The following ANKS1B variants were observed in gnomAD, a reference collection of about 807,000 sequenced individuals.
The protein encoded by ANKS1B is ankyrin repeat and sterile alpha motif domain-containing protein 1B.
Under a neutral mutation model 148.3 loss-of-function variants are expected in ANKS1B, and 36 were observed. The observed-to-expected ratio is 0.24, with a 90% confidence interval of 0.19 to 0.32. The LOEUF is 0.32. ANKS1B is among the 10% of genes least tolerant of loss of function. ANKS1B has a pLI of 1.00. For synonymous variants in ANKS1B, 542 were observed against 560.8 expected (o/e 0.97, Z 0.47); for missense variants, 1,157 against 1,542.6 (o/e 0.75, Z 4.19).
chr12:99,943,372 C>G (rs1388135747), intron 1 of ANKS1B, among the ~76,000 whole-genome samples: 2 of 152,154 alleles, frequency 1.3e-5, no homozygotes, highest in Non-Finnish European at 2.9e-5. Flanking sequence ...GTGCAGATAC[C>G]AGAGACTGTG....
intron 17 of ANKS1B, among the ~76,000 whole-genome samples, chr12:98,995,542 C>A (rs914663557): frequency 2.0e-5 from 3 of 152,206 alleles, no homozygotes; most frequent in Non-Finnish European, 4.4e-5. Context: ...AACCCAGGTT[C>A]TCAGGCTCTG....
chr12:99,703,299 A>T (rs1567677210), intron 8 of ANKS1B, among the ~76,000 whole-genome samples: 1 of 152,290 alleles, frequency 6.6e-6, no homozygotes, highest in East Asian at 1.9e-4. Context: ...ATACAAATGC[A>T]TTGACTCTGA....
chr12:99,894,129 G>A (rs1211747599), intron 1 of ANKS1B, among the ~76,000 whole-genome samples: 1 of 151,560 alleles, frequency 6.6e-6, no homozygotes, highest in African/African-American at 2.4e-5. Context: ...ATTTTTAAAG[G>A]TACAAATGGA....
intron 18 of ANKS1B, chr12:98,831,182 C>T (rs1364384721): frequency 1.3e-5 from 2 of 152,010 alleles, no homozygotes; most frequent in African/African-American, 2.4e-5. Context: ...CTCCTGACCT[C>T]ATGACCCGCC....
chr12:99,016,675 C>CA (rs570600661), intron 17 of ANKS1B, among the ~76,000 whole-genome samples: 99 of 151,098 alleles, frequency 6.6e-4, no homozygotes, highest in Admixed American at 2.3e-3. Flanking sequence ...AACAAACAAA[C>CA]AAAAAAAACA....
chr12:99,858,629 G>A (rs942969740), intron 1 of ANKS1B, among the ~76,000 whole-genome samples: 35 of 152,160 alleles, frequency 2.3e-4, no homozygotes, highest in African/African-American at 8.2e-4. Flanking sequence ...TAGCTCAAAT[G>A]CCCATCAGTC....
intron 8 of ANKS1B, among the ~76,000 whole-genome samples, chr12:99,747,202 A>G (rs754853223): frequency 7.2e-5 from 11 of 152,036 alleles, no homozygotes; most frequent in Non-Finnish European, 1.6e-4. Context: ...TCCCCCTGCT[A>G]GGCATCACCA....
chr12:99,209,808 C>T (rs1304255663), intron 14 of ANKS1B, among the ~76,000 whole-genome samples: 2 of 152,152 alleles, frequency 1.3e-5, no homozygotes, highest in East Asian at 1.9e-4. Flanking sequence ...TCACAAACCA[C>T]AAATAACATC....
At chr12:99,794,402 C>A (rs2065988968) in intron 4 of ANKS1B, among the ~76,000 whole-genome samples, 3 of 150,124 alleles carry the variant, frequency 2.0e-5, no homozygotes, top group South Asian at 2.1e-4. Context: ...TCACAATAGC[C>A]AAGATTTGGA....
At chr12:98,739,940 T>C (rs1439328868), downstream of ANKS1B, among the ~76,000 whole-genome samples, 1 of 152,128 alleles carries the variant, frequency 6.6e-6, no homozygotes, top group Non-Finnish European at 1.5e-5. Flanking sequence ...TCCTTCTCCT[T>C]ATGGCCATTG....
chr12:99,708,844 G>C (rs535888309), intron 8 of ANKS1B, among the ~76,000 whole-genome samples: 3 of 152,072 alleles, frequency 2.0e-5, no homozygotes, highest in Non-Finnish European at 4.4e-5. Context: ...TTCCAACCTG[G>C]ATATTTTTGG....
intron 1 of ANKS1B, among the ~76,000 whole-genome samples, chr12:99,890,901 G>GA (rs1195209223): frequency 6.6e-6 from 1 of 151,850 alleles, no homozygotes; most frequent in Non-Finnish European, 1.5e-5. Context: ...GGTGTTCATT[G>GA]AAAAAAACAA....
At chr12:99,369,788 A>AGATAGATAGACG (rs770146685) in intron 12 of ANKS1B, among the ~76,000 whole-genome samples, 130 of 103,908 alleles carry the variant, frequency 1.3e-3, no homozygotes, top group Non-Finnish European at 2.0e-3. Flanking sequence ...ATAGATAGAT[A>AGATAGATAGACG]GATGGACGGA....
chr12:99,145,468 A>G (rs2072711034), intron 15 of ANKS1B, among the ~76,000 whole-genome samples: 1 of 152,184 alleles, frequency 6.6e-6, no homozygotes, highest in Non-Finnish European at 1.5e-5. Flanking sequence ...ACCTTGAGGT[A>G]GGTCTTCCTT....
At chr12:98,884,041 A>G (rs1460160143) in intron 17 of ANKS1B, among the ~76,000 whole-genome samples, 2 of 152,158 alleles carry the variant, frequency 1.3e-5, no homozygotes, top group Admixed American at 6.5e-5. Context: ...GTAGATTCAC[A>G]TTAAAAGCAG....
chr12:99,121,810 C>T (rs2062976246), intron 15 of ANKS1B, among the ~76,000 whole-genome samples: 1 of 152,188 alleles, frequency 6.6e-6, no homozygotes, highest in Non-Finnish European at 1.5e-5. Context: ...CAATGAACCA[C>T]AAAGCCTAAG....
intron 1 of ANKS1B, among the ~76,000 whole-genome samples, chr12:99,962,002 G>A (rs561310430): frequency 1.3e-5 from 2 of 152,276 alleles, no homozygotes; most frequent in South Asian, 2.1e-4. Context: ...TAGAAATCAC[G>A]ATCTCTTTAG....
At chr12:98,866,550 T>A (rs2099625440) in intron 17 of ANKS1B, among the ~76,000 whole-genome samples, 1 of 152,176 alleles carries the variant, frequency 6.6e-6, no homozygotes. Flanking sequence ...TATCACAATA[T>A]CACCTCGCCC....
At chr12:98,749,818 C>T (rs1004048805) in intron 26 of ANKS1B, among the ~76,000 whole-genome samples, 1 of 151,866 alleles carries the variant, frequency 6.6e-6, no homozygotes, top group Non-Finnish European at 1.5e-5. Context: ...AGGCCTGGGG[C>T]GAGGTGGCAG....
Sources: allele counts gnomAD v4.1 joint callset (sites outside exome capture counted in the v4.1 genomes callset), GRCh38; gene constraint gnomAD v4.1.1; transcripts MANE v1.5; gene names NCBI Gene and HGNC (gene_info 2026-07-23, HGNC 2026-07-21).